The following SLC35F4 variants were observed in gnomAD, a reference collection of about 807,000 sequenced individuals.
SLC35F4 encodes the protein solute carrier family 35 member F4, also known as chromosome 14 open reading frame 36.
Under a neutral mutation model 44.2 loss-of-function variants are expected in SLC35F4, and 24 were observed. That is an observed-to-expected ratio of 0.54 (90% CI 0.39 to 0.76). SLC35F4 has a LOEUF of 0.76. Among genes scored for constraint, SLC35F4 ranks in the 30% least tolerant of loss-of-function variants. SLC35F4 has a pLI of 0.00. For missense variants in SLC35F4, 562 were observed against 586.1 expected, an observed-to-expected ratio of 0.96 and a Z score of 0.42; for synonymous variants, 238 against 223.6, an observed-to-expected ratio of 1.06 and a Z score of -0.57.
At chr14:57,745,480 A>G (rs1260173566) in intron 1 of SLC35F4, among the ~76,000 whole-genome samples, 3 of 152,242 alleles carry the variant, frequency 2.0e-5, no homozygotes, top group African/African-American at 7.2e-5. Flanking sequence ...GACACATGAA[A>G]AAATGCTCAT....
chr14:57,750,537 C>T (rs1226262691), intron 1 of SLC35F4, among the ~76,000 whole-genome samples: 1 of 152,182 alleles, frequency 6.6e-6, no homozygotes, highest in Non-Finnish European at 1.5e-5. Flanking sequence ...TTGTTGCCAA[C>T]ATCTAATATG....
intron 1 of SLC35F4, among the ~76,000 whole-genome samples, chr14:57,847,051 G>A (rs1180078814): frequency 6.6e-6 from 1 of 152,296 alleles, no homozygotes; most frequent in Admixed American, 6.5e-5. Context: ...TTTATAGCAA[G>A]TTGACACTAC....
At chr14:57,803,484 G>A (rs933075118) in intron 1 of SLC35F4, among the ~76,000 whole-genome samples, 2 of 151,846 alleles carry the variant, frequency 1.3e-5, no homozygotes, top group Admixed American at 6.6e-5. Flanking sequence ...TAAGTAAAGG[G>A]TATTCAAATA....
In SLC35F4 at chr14:57,964,987, A is replaced by ATATATATATATAT. The variant is rs1241968437; in HGVS notation, n.282+16925_282+16926insATATATATATATA. On this transcript the variant is annotated intron_variant and non_coding_transcript_variant, in intron 1 of 1. Transcript: ENST00000556568. ...GCTCCCATGGGGGAAAAAAAAAAAA[A>ATATATATATATAT]AAAAATATATATATATATATATATA... Among the ~76,000 whole-genome samples, 4 of 131,418 alleles carry ATATATATATATAT rather than the reference A, an allele frequency of 3.0e-5. No homozygotes were observed. The East Asian group carries it at 6.9e-4, about 23-fold the overall frequency. The allele number at this position is 131,418 out of a possible 152,430, so 86.2% of individuals were successfully genotyped here.
At chr14:57,625,659 C>A (rs1428680939) in intron 1 of SLC35F4, among the ~76,000 whole-genome samples, 3 of 152,128 alleles carry the variant, frequency 2.0e-5, no homozygotes, top group African/African-American at 7.2e-5. Flanking sequence ...CATCTACAAC[C>A]ATCTGGTCTT....
chr14:57,603,076 T>A (rs900327976), intron 1 of SLC35F4, among the ~76,000 whole-genome samples: 10 of 152,256 alleles, frequency 6.6e-5, no homozygotes, highest in African/African-American at 2.4e-4. Context: ...GTAACTTTGA[T>A]GATTTCTGCT....
intron 1 of SLC35F4, among the ~76,000 whole-genome samples, chr14:57,800,410 A>C (rs894975518): frequency 6.6e-6 from 1 of 152,240 alleles, no homozygotes; most frequent in African/African-American, 2.4e-5. Context: ...GATGAGAAAG[A>C]ATCAATGCAA....
intron 6 of SLC35F4, among the ~76,000 whole-genome samples, chr14:57,568,138 G>C (rs149416217): frequency 1.3e-5 from 2 of 152,376 alleles, no homozygotes; most frequent in East Asian, 3.9e-4. Flanking sequence ...GGCACAGTGA[G>C]CTCTCTGCAG....
At chr14:57,943,846 ACTT>A (rs1889960037) in intron 1 of SLC35F4, among the ~76,000 whole-genome samples, 1 of 152,118 alleles carries the variant, frequency 6.6e-6, no homozygotes, top group African/African-American at 2.4e-5. Flanking sequence ...TCATCTCTGT[ACTT>A]TCTTCTTTCT....
chr14:57,935,489 G>A (rs1889779394), intron 1 of SLC35F4, among the ~76,000 whole-genome samples: 1 of 152,168 alleles, frequency 6.6e-6, no homozygotes, highest in African/African-American at 2.4e-5. Context: ...CATTAAAGTG[G>A]GTTCTTGTTC....
At chr14:57,594,288 C>G (rs188400657) in intron 1 of SLC35F4, among the ~76,000 whole-genome samples, 164 bp from the exon 2 acceptor site, 252 of 152,266 alleles carry the variant, frequency 1.7e-3, no homozygotes, top group African/African-American at 5.8e-3. Flanking sequence ...CTCCCAGGTT[C>G]GAGCAATTCT....
intron 1 of SLC35F4, among the ~76,000 whole-genome samples, chr14:57,770,654 G>A (rs2077341515): frequency 6.6e-6 from 1 of 152,170 alleles, no homozygotes. Context: ...GGTTTTTCCA[G>A]TGCAGGGGTG....
intron 1 of SLC35F4, chr14:57,596,496 TA>T: frequency 2.9e-6 from 1 of 344,242 alleles, no homozygotes; most frequent in East Asian, 7.6e-5. Flanking sequence ...AAGAGTCTTT[TA>T]AAATTTATCT....
chr14:57,875,945 T>C (rs1439223115), intron 1 of SLC35F4, among the ~76,000 whole-genome samples: 2 of 152,242 alleles, frequency 1.3e-5, no homozygotes, highest in Non-Finnish European at 2.9e-5. Flanking sequence ...ATAGAATTCC[T>C]GGGTTCTAGA....
rs377489275 is a variant in SLC35F4, at chr14:57,592,487, T to C, written c.289+1452A>G. On this transcript the variant is annotated intron_variant, in intron 2 of 7. Transcript: ENST00000556826. ...TCTTTAATGATATGGTATTTGAAAT[T>C]TGTAATCTGTGTATGATACATAGGG... 9.8e-5 allele frequency among the ~76,000 whole-genome samples: 15 copies of C among 152,306 alleles called. No individual in the cohort carries two copies. In the East Asian group the frequency reaches 2.3e-3, roughly 24 times the overall value.
intron 1 of SLC35F4, among the ~76,000 whole-genome samples, chr14:57,958,051 T>C (rs567124249): frequency 9.3e-5 from 14 of 150,996 alleles, no homozygotes; most frequent in Non-Finnish European, 1.8e-4. Flanking sequence ...ACATATTAAT[T>C]AGATGAAATT....
chr14:57,860,932 C>T (rs987280396), intron 1 of SLC35F4, among the ~76,000 whole-genome samples: 2 of 152,108 alleles, frequency 1.3e-5, no homozygotes, highest in African/African-American at 2.4e-5. Flanking sequence ...TATACAACTC[C>T]GTTGTCCCTA....
At chr14:57,970,123 T>A (rs1458544228) in intron 1 of SLC35F4, among the ~76,000 whole-genome samples, 1 of 152,184 alleles carries the variant, frequency 6.6e-6, no homozygotes, top group African/African-American at 2.4e-5. Context: ...TCTCAGTAAC[T>A]TGAGAAAATA....
intron 1 of SLC35F4, chr14:57,596,119 G>A (rs960699402): frequency 6.6e-6 from 1 of 152,306 alleles, no homozygotes; most frequent in African/African-American, 2.4e-5. Context: ...GTTACACATG[G>A]TATGTCTGTA....
Sources: gnomAD v4.1 joint callset for allele counts (sites outside exome capture counted in the v4.1 genomes callset) on GRCh38, gnomAD v4.1.1 for gene constraint, MANE v1.5 for transcripts, NCBI Gene and HGNC (gene_info 2026-07-23, HGNC 2026-07-21) for gene names.